Variants in MPDZ observed in about 807,000 individuals in gnomAD.
MPDZ encodes the protein multiple PDZ domain protein.
Under a neutral mutation model 239.1 loss-of-function variants are expected in MPDZ, and 234 were observed. That is an observed-to-expected ratio of 0.98 (90% CI 0.88 to 1.09). The LOEUF (loss-of-function observed/expected upper bound fraction) is 1.09. Among genes scored for constraint, MPDZ ranks in the 50% least tolerant of loss-of-function variants. The probability of loss-of-function intolerance (pLI) is 0.00; values close to 1 mark genes in which losing one functional copy is unlikely to be tolerated. For missense variants in MPDZ, 3,175 were observed against 2,510.0 expected, an observed-to-expected ratio of 1.26 and a Z score of -5.66; for synonymous variants, 1,048 against 881.3, an observed-to-expected ratio of 1.19 and a Z score of -3.35.
chr9:13,141,006 C>T (rs1465033999), intron 27 of MPDZ: 1 of 149,942 alleles, frequency 6.7e-6, no homozygotes, highest in Non-Finnish European at 1.5e-5. Flanking sequence ...CAAGGCAGAT[C>T]ACAAGATAAA....
At chr9:13,259,171 TATA>T (rs1358221243) in intron 1 of MPDZ, among the ~76,000 whole-genome samples, 4 of 152,142 alleles carry the variant, frequency 2.6e-5, no homozygotes, top group African/African-American at 7.2e-5. Flanking sequence ...GAAACTTTAA[TATA>T]ATGAGAGAGC....
At position 13,183,447 on chromosome 9, in the gene MPDZ, C is replaced by G. The variant is rs765905190; in HGVS notation, c.2620G>C (p.Gly874Arg). The G allele has an allele frequency of 1.2e-6, 2 of 1,608,228 alleles. No individual in the cohort carries two copies. The highest frequency in any genetic ancestry group is 4.5e-5 in the East Asian group (2 of 44,492). Residue 874 changes from glycine (G) to arginine (R), a missense_variant, in exon 19 of 47, where the codon GGT becomes CGT. By Grantham distance (125) the Gly-to-Arg change is moderately radical (BLOSUM62 -2). Transcript: ENST00000319217. ...GSSCGDGLNY[G>R]SSLPSSPPKD... ...GGAGGAGATGATGGAAGGGAAGAAC[C>G]ATAGTTCAGGCCATCACCACAAGAA...
At chr9:13,274,800 A>C (rs1230814351) in intron 1 of MPDZ, among the ~76,000 whole-genome samples, 1 of 152,200 alleles carries the variant, frequency 6.6e-6, no homozygotes, top group Non-Finnish European at 1.5e-5. Context: ...CTGTTGTTTT[A>C]ATCAGACTCA....
At chr9:13,249,471 A>G (rs1307862298) in intron 2 of MPDZ, among the ~76,000 whole-genome samples, 1 of 152,198 alleles carries the variant, frequency 6.6e-6, no homozygotes, top group Non-Finnish European at 1.5e-5. Context: ...TTACCAGCAC[A>G]GTACCAGGAA....
intron 32 of MPDZ, among the ~76,000 whole-genome samples, chr9:13,133,498 A>C (rs1485547483): frequency 1.3e-5 from 2 of 152,206 alleles, no homozygotes; most frequent in Non-Finnish European, 2.9e-5. Context: ...ACCTTAGTGA[A>C]GGAATCAATG....
At chr9:13,135,078 A>G (rs1475740644) in intron 31 of MPDZ, 2 of 152,216 alleles carry the variant, frequency 1.3e-5, no homozygotes, top group Non-Finnish European at 2.9e-5. Flanking sequence ...AAATGTCCCA[A>G]TGTACATTTT....
At chr9:13,277,564 A>G (rs988794950) in intron 1 of MPDZ, among the ~76,000 whole-genome samples, 1 of 151,932 alleles carries the variant, frequency 6.6e-6, no homozygotes, top group African/African-American at 2.4e-5. Flanking sequence ...TTTATTTTTT[A>G]TTTATTTACT....
At chr9:13,113,761 C>A (rs1353362511) in intron 41 of MPDZ, among the ~76,000 whole-genome samples, 170 bp downstream of exon 41, 1 of 152,128 alleles carries the variant, frequency 6.6e-6, no homozygotes, top group African/African-American at 2.4e-5. Context: ...GGAAAAGCTG[C>A]CATAGGCAGA....
intron 3 of MPDZ, among the ~76,000 whole-genome samples, chr9:13,238,498 A>G (rs1042676601): frequency 3.9e-5 from 6 of 152,124 alleles, no homozygotes; most frequent in African/African-American, 1.2e-4. Flanking sequence ...TCTCTCTGGC[A>G]AGGAGCTGTT....
chr9:13,237,389 A>G (rs1310383815), intron 3 of MPDZ, among the ~76,000 whole-genome samples: 2 of 142,830 alleles, frequency 1.4e-5, no homozygotes, highest in African/African-American at 2.6e-5. Context: ...GTGAGCCATG[A>G]GCATGCCACT....
chr9:13,141,101 A>G (rs1471246230), intron 27 of MPDZ, among the ~76,000 whole-genome samples: 3 of 151,988 alleles, frequency 2.0e-5, no homozygotes, highest in African/African-American at 4.8e-5. Context: ...TATTTCGAAA[A>G]AAAAAAAAAA....
chr9:13,269,148 G>A (rs1344851535), intron 1 of MPDZ, among the ~76,000 whole-genome samples: 1 of 152,158 alleles, frequency 6.6e-6, no homozygotes, highest in Non-Finnish European at 1.5e-5. Flanking sequence ...AGGGCCAGGA[G>A]GGGTGAATGA....
intron 43 of MPDZ, 83 bp downstream of exon 43, chr9:13,111,941 G>T: frequency 6.9e-7 from 1 of 1,446,696 alleles, no homozygotes; most frequent in Non-Finnish European, 9.4e-7. Flanking sequence ...AAACTGCCTT[G>T]CAACAGGTAG....
At chr9:13,175,687 T>A in intron 21 of MPDZ, 65 bp downstream of exon 21, 1 of 1,480,990 alleles carries the variant, frequency 6.8e-7, no homozygotes, top group Non-Finnish European at 9.1e-7. Flanking sequence ...AAATTTACCA[T>A]GTTCAATATT....
At chr9:13,261,303 G>A (rs1970629291) in intron 1 of MPDZ, among the ~76,000 whole-genome samples, 1 of 152,068 alleles carries the variant, frequency 6.6e-6, no homozygotes, top group Non-Finnish European at 1.5e-5. Context: ...TAGAGTAACT[G>A]GTCCCTACAG....
chr9:13,161,133 ATAAC>A (rs1228642979), intron 23 of MPDZ, among the ~76,000 whole-genome samples: 1 of 151,808 alleles, frequency 6.6e-6, no homozygotes, highest in African/African-American at 2.4e-5. Context: ...TATTAAACAA[ATAAC>A]ATACCTTCCC....
chr9:13,156,653 G>GT (rs1355257041), intron 24 of MPDZ, among the ~76,000 whole-genome samples: 1 of 152,144 alleles, frequency 6.6e-6, no homozygotes, highest in Non-Finnish European at 1.5e-5. Flanking sequence ...TGAGATTTGG[G>GT]TGGGGACACA....
intron 1 of MPDZ, among the ~76,000 whole-genome samples, chr9:13,251,875 A>T (rs1246805019): frequency 6.6e-6 from 1 of 152,222 alleles, no homozygotes; most frequent in African/African-American, 2.4e-5. Flanking sequence ...CCTTTGTGTC[A>T]AGAAAAGAGG....
chr9:13,223,468 A>G (rs2136346747), intron 5 of MPDZ, 103 bp downstream of exon 5: 1 of 1,350,208 alleles, frequency 7.4e-7, no homozygotes. Context: ...ATTATGTTCA[A>G]TTTTTTGTTG....
Sources: gnomAD v4.1 joint callset for allele counts (sites outside exome capture counted in the v4.1 genomes callset) on GRCh38, gnomAD v4.1.1 for gene constraint, MANE v1.5 for transcripts, NCBI Gene and HGNC (gene_info 2026-07-23, HGNC 2026-07-21) for gene names.